The following TELO2 variants were observed in gnomAD, a reference collection of about 807,000 sequenced individuals.
TELO2 encodes the protein telomere length regulation protein TEL2 homolog.
In TELO2, 71 loss-of-function variants were observed where a neutral mutation model predicts 91.0. The observed-to-expected ratio is 0.78, with a 90% CI of 0.64 to 0.95. The LOEUF (loss-of-function observed/expected upper bound fraction) is 0.95. Among genes scored for constraint, TELO2 ranks in the 40% least tolerant of loss-of-function variants. The pLI is 0.00. For synonymous variants in TELO2, 584 were observed against 518.9 expected (o/e 1.13, Z -1.71); for missense variants, 1,183 against 1,141.3 (o/e 1.04, Z -0.53).
chr16:1,506,919 C>G (rs2039912574), intron 17 of TELO2, 33 bp from the exon 18 acceptor site: 1 of 1,572,428 alleles, frequency 6.4e-7, no homozygotes, highest in Non-Finnish European at 8.6e-7. Flanking sequence ...CCTGAGGCAC[C>G]CGCTGCACCT....
At chr16:1,507,418 AG>A in intron 19 of TELO2, 48 bp downstream of exon 19, 2 of 1,601,462 alleles carry the variant, frequency 1.2e-6, no homozygotes, top group Non-Finnish European at 1.7e-6. Context: ...AGGCAGACAC[AG>A]GGGTCTTATT....
chr16:1,502,947 C>T lies in TELO2; in HGVS notation c.1787C>T (p.Thr596Ile), dbSNP rs367997642. ...TGTCCTCAGGTGGCCGACTATCTGACCTCACAGTTCTATGCCCTCAACTAC... is the reference window on the plus strand; with the variant it reads ...TGTCCTCAGGTGGCCGACTATCTGATCTCACAGTTCTATGCCCTCAACTAC... ...TDPAPVADYL[T>I]SQFYALNYSL... is the part of the protein sequence containing the mutation. The change falls in exon 15 of 21, where the codon ACC becomes ATC. Residue 596 changes from threonine to isoleucine, a missense_variant. Coordinates refer to ENST00000262319, the MANE Select transcript of TELO2 (RefSeq NM_016111.4). 1.8e-5 allele frequency: 29 copies of T among 1,611,318 alleles called. No individual in the cohort carries two copies. Among genetic ancestry groups the T allele is most frequent in the Admixed American group, 1.0e-4 (6 of 60,006 alleles).
Position 1,500,702 on chromosome 16 carries a change from G to A in TELO2, c.1281+3G>A, listed in dbSNP as rs377638358. The A allele has an allele frequency of 5.6e-6, 9 of 1,612,020 alleles. No homozygotes were observed. The highest frequency in any genetic ancestry group is 1.3e-5 in the African/African-American group (1 of 74,928). On this transcript the variant is annotated splice_donor_region_variant and intron_variant, in intron 9 of 20. Transcript: ENST00000262319. Reference sequence around the variant, plus strand: ...AGGGGCCTCCCCTGAAATTCCAGGTGAGCGGGCCGTCCCCTCCGCGTCCCC... The same window carrying A: ...AGGGGCCTCCCCTGAAATTCCAGGTAAGCGGGCCGTCCCCTCCGCGTCCCC...
At position 1,495,589 on chromosome 16, in the gene TELO2, C is replaced by G. The variant is rs1596249325; in HGVS notation, c.579C>G (p.Val193=). Residue 193 remains valine, a synonymous_variant, in exon 3 of 21, where the codon GTC becomes GTG. Transcript: ENST00000262319. ...TCCGCCTGCTCGGCGAGGAGGTCGT[C>G]CGGGTGCTGCAGGCGGTTGTGGACT... The part of the protein sequence containing the change: ...NYFRLLGEEV[V]RVLQAVVDSL... The G allele has an allele frequency of 2.5e-6, 4 of 1,606,640 alleles. 1 individual carries two copies. In the Middle Eastern group the frequency reaches 6.6e-4, roughly 266 times the overall value.
At chr16:1,508,413 G>C (rs1215137934) in intron 20 of TELO2, among the ~76,000 whole-genome samples, 1 of 152,234 alleles carries the variant, frequency 6.6e-6, no homozygotes, top group Non-Finnish European at 1.5e-5. Context: ...TTACAGGCGT[G>C]AGCCACCGCG....
Position 1,501,404 on chromosome 16 carries a change from T to G in TELO2, c.1282-16T>G, listed in dbSNP as rs768309509. On this transcript the variant is annotated splice_polypyrimidine_tract_variant and intron_variant, in intron 9 of 20. Coordinates refer to ENST00000262319, the MANE Select transcript of TELO2 (RefSeq NM_016111.4). ...GCAGCCTGGCGGATGCCGCTGAGCCTGCTCCCCTGCTGTAGTACGAAGAGG... is the reference window on the plus strand; with the variant it reads ...GCAGCCTGGCGGATGCCGCTGAGCCGGCTCCCCTGCTGTAGTACGAAGAGG... 4.3e-6 allele frequency: 7 copies of G among 1,611,282 alleles called. No homozygotes were observed. In the Admixed American group the frequency reaches 5.0e-5, roughly 12 times the overall value.
chr16:1,500,237 G>T (rs2039628267), intron 7 of TELO2, 73 bp downstream of exon 7: 2 of 1,533,986 alleles, frequency 1.3e-6, no homozygotes, highest in African/African-American at 1.4e-5. Context: ...CTTTTGGGCG[G>T]CAGGGTGAGG....
intron 17 of TELO2, 141 bp downstream of exon 17, chr16:1,506,470 G>C: frequency 6.6e-7 from 1 of 1,525,288 alleles, no homozygotes; most frequent in Non-Finnish European, 8.8e-7. Context: ...TTGTAAGCCT[G>C]TGTTAAATGG....
chr16:1,494,347 G>A lies in TELO2; in HGVS notation c.66G>A (p.Ser22=). Residue 22 remains serine (S), a synonymous_variant, in exon 2 of 21, where the codon TCG becomes TCA. Transcript: ENST00000262319. The surrounding 1 kb of genome is among the most constrained non-coding windows in gnomAD (Gnocchi z 5.6). ...VREAIHALSS[S]EDGGHIFCTL... ...AAGCCATTCATGCCCTCTCGTCTTC[G>A]GAGGATGGCGGCCACATCTTCTGCA... 1 of 1,613,632 alleles carries A rather than the reference G, an allele frequency of 6.2e-7. No homozygotes were observed. The highest frequency in any genetic ancestry group is 8.5e-7 in the Non-Finnish European group (1 of 1,180,016).
chr16:1,504,323 A>G (rs1278640670), intron 15 of TELO2, among the ~76,000 whole-genome samples: 1 of 147,640 alleles, frequency 6.8e-6, no homozygotes, highest in Non-Finnish European at 1.5e-5. Flanking sequence ...AGTCCCAGTT[A>G]CGTGGGAGGC....
Position 1,500,345 on chromosome 16 carries a change from A to C in TELO2, c.1003-2A>C. 2 of 1,584,578 alleles carry C rather than the reference A, an allele frequency of 1.3e-6. No individual in the cohort carries two copies. The highest frequency in any genetic ancestry group is 1.7e-6 in the Non-Finnish European group (2 of 1,167,984). On this transcript the variant is annotated splice_acceptor_variant, in intron 7 of 20. Transcript: ENST00000262319. LOFTEE classifies it high-confidence loss of function. Reference sequence around the variant, plus strand: ...CACAGTCGTGGGCCATGCCACCTGCAGGTGCTGAAGGAGCTGTTGGAGACG... The same window carrying C: ...CACAGTCGTGGGCCATGCCACCTGCCGGTGCTGAAGGAGCTGTTGGAGACG...
rs534999783 is a variant in TELO2 at position 1,497,021 on chromosome 16, C to G, written c.614-15C>G. On this transcript the variant is annotated splice_polypyrimidine_tract_variant and intron_variant, in intron 3 of 20. Coordinates refer to ENST00000262319, the MANE Select transcript of TELO2 (RefSeq NM_016111.4). This position sits in a 1 kb window ranked among gnomAD's most constrained non-coding sequence, Gnocchi z 4.0. Reference sequence around the variant, plus strand: ...TCCCGCCGGCTTCCTCATCAGGCCTCCCTTTCTGTCCCAGGTGGCCTGGAT... The same window carrying G: ...TCCCGCCGGCTTCCTCATCAGGCCTGCCTTTCTGTCCCAGGTGGCCTGGAT... The G allele has an allele frequency of 4.9e-5, 79 of 1,613,606 alleles. 1 individual carries two copies. Among genetic ancestry groups the G allele is most frequent in the Admixed American group, 4.8e-4 (29 of 59,962 alleles).
chr16:1,495,357 G>A lies in TELO2; in HGVS notation c.347G>A (p.Arg116Gln), dbSNP rs2039442897. ...GCCCGTATCTTCAGCCCCAGCTTCC[G>A]GCTGATGAAGATGGCGCGGCTGCTG... ...TIEGAAGPSF[R>Q]LMKMARLLAR... The change falls in exon 3 of 21, where the codon CGG (arginine) becomes CAG (glutamine). Residue 116 changes from arginine to glutamine, a missense_variant. Coordinates refer to ENST00000262319, the MANE Select transcript of TELO2 (RefSeq NM_016111.4). 6.5e-6 allele frequency: 10 copies of A among 1,549,112 alleles called. No individual in the cohort carries two copies. Among genetic ancestry groups the A allele is most frequent in the East Asian group, 2.4e-5 (1 of 41,248 alleles).
intron 20 of TELO2, among the ~76,000 whole-genome samples, chr16:1,509,214 A>T (rs2040025915): frequency 6.6e-6 from 1 of 151,932 alleles, no homozygotes; most frequent in East Asian, 1.9e-4. Flanking sequence ...ATCCCTTTCC[A>T]CTCGGCTGGC....
rs2063099639 is a variant in TELO2 at position 1,506,384 on chromosome 16, C to T, written c.2126+55C>T. Reference sequence around the variant, plus strand: ...TTGGGGGACAGGGACCCTGGACGTACCACTGTGGCCAAGAAGTTCGGGCTG... The same window carrying T: ...TTGGGGGACAGGGACCCTGGACGTATCACTGTGGCCAAGAAGTTCGGGCTG... On this transcript the variant is annotated intron_variant, in intron 17 of 20. Coordinates refer to ENST00000262319, the MANE Select transcript of TELO2 (RefSeq NM_016111.4). 4 of 1,611,994 alleles carry T rather than the reference C, an allele frequency of 2.5e-6. No individual in the cohort carries two copies. In the South Asian group the frequency reaches 4.4e-5, roughly 18 times the overall value.
intron 20 of TELO2, among the ~76,000 whole-genome samples, chr16:1,508,344 G>A (rs2039984415): frequency 1.3e-5 from 2 of 152,068 alleles, no homozygotes; most frequent in Admixed American, 6.5e-5. Flanking sequence ...TGTTGGTCAG[G>A]ATGGTCTCAA....
Position 1,499,320 on chromosome 16 carries a change from A to G in TELO2, c.920A>G (p.Gln307Arg). 1 of 1,607,854 alleles carries G rather than the reference A, an allele frequency of 6.2e-7. No individual in the cohort carries two copies. Among genetic ancestry groups the G allele is most frequent in the Non-Finnish European group, 8.5e-7 (1 of 1,178,870 alleles). The change falls in exon 6 of 21, where the codon CAG (glutamine) becomes CGG (arginine). Residue 307 changes from glutamine to arginine, a missense_variant. Coordinates refer to ENST00000262319, the MANE Select transcript of TELO2 (RefSeq NM_016111.4). ...FVMTQKLLFL[Q>R]SRLTTPMLQS... is the part of the protein sequence containing the mutation. ...ATGACCCAGAAGCTTCTGTTCTTAC[A>G]GTCCCGGCTCACGGTGAGGACGCCA...
At chr16:1,504,531 A>G (rs2039816532) in intron 15 of TELO2, among the ~76,000 whole-genome samples, 1 of 149,064 alleles carries the variant, frequency 6.7e-6, no homozygotes, top group Admixed American at 6.7e-5. Context: ...AGAACATGAG[A>G]ACAACTCACC....
chr16:1,501,394 C>G (rs1295919980), intron 9 of TELO2, 26 bp from the exon 10 acceptor site: 4 of 1,607,260 alleles, frequency 2.5e-6, no homozygotes, highest in Non-Finnish European at 3.4e-6. Context: ...CTGGCGGATG[C>G]CGCTGAGCCT....
Sources: allele counts gnomAD v4.1 joint callset (sites outside exome capture counted in the v4.1 genomes callset), GRCh38; gene constraint gnomAD v4.1.1; non-coding constraint Gnocchi (gnomAD v3.1); transcripts MANE v1.5; gene names NCBI Gene and HGNC (gene_info 2026-07-23, HGNC 2026-07-21).